The following OSBPL2 variants were observed in gnomAD, a reference collection of about 807,000 sequenced individuals.
OSBPL2 encodes the protein oxysterol-binding protein-related protein 2.
In OSBPL2, 18 loss-of-function variants were observed where a neutral mutation model predicts 58.4. That is an observed-to-expected ratio of 0.31 (90% CI 0.21 to 0.46). The LOEUF (loss-of-function observed/expected upper bound fraction) is 0.46. OSBPL2 is among the 20% of genes least tolerant of loss of function. The pLI is 1.00. For missense variants in OSBPL2, 461 were observed against 616.5 expected (o/e 0.75, Z 2.67); for synonymous variants, 221 against 234.1 (o/e 0.94, Z 0.51).
intron 12 of OSBPL2, among the ~76,000 whole-genome samples, chr20:62,289,969 TATTAA>T (rs1385035195): frequency 6.6e-6 from 1 of 152,184 alleles, no homozygotes; most frequent in African/African-American, 2.4e-5. Context: ...AATTTGTTAT[TATTAA>T]ATTAAACAAA....
intron 9 of OSBPL2, among the ~76,000 whole-genome samples, chr20:62,282,384 A>C (rs1982850898): frequency 6.6e-6 from 1 of 152,176 alleles, no homozygotes; most frequent in South Asian, 2.1e-4. Flanking sequence ...TGTTCCAACA[A>C]ATTTTTCAGT....
chr20:62,265,041 C>T (rs1048640653), intron 4 of OSBPL2, among the ~76,000 whole-genome samples: 2 of 152,204 alleles, frequency 1.3e-5, no homozygotes, highest in Non-Finnish European at 2.9e-5. Flanking sequence ...GTCTCCACTG[C>T]AAAGTTGCTG....
chr20:62,248,672 C>CTTTATTTATTTA (rs3078864), intron 1 of OSBPL2, among the ~76,000 whole-genome samples: 5,723 of 147,812 alleles, frequency 0.039, 120 homozygotes, highest in Non-Finnish European at 0.047. Context: ...GTCAGATCTG[C>CTTTATTTATTTA]TTTATTTATT....
chr20:62,246,255 C>T (rs1016193042), intron 1 of OSBPL2, among the ~76,000 whole-genome samples: 10 of 152,318 alleles, frequency 6.6e-5, no homozygotes, highest in South Asian at 4.2e-4. Context: ...GCGCCACTGC[C>T]GTGGGTGGCT....
chr20:62,269,460 T>C lies in OSBPL2; in HGVS notation c.259-2665T>C, dbSNP rs1981910336. 6.6e-6 allele frequency among the ~76,000 whole-genome samples: 1 copy of C among 152,220 alleles called. No homozygotes were observed. Among genetic ancestry groups the C allele is most frequent in the Non-Finnish European group, 1.5e-5 (1 of 68,044 alleles). On this transcript the variant is annotated intron_variant, in intron 4 of 13. Transcript: ENST00000313733. This position sits in a 1 kb window ranked among gnomAD's most constrained non-coding sequence, Gnocchi z 4.2. The stretch of plus-strand genomic sequence containing the variant: ...GTCCCCTCGTGGGGCTGCATCACTG[T>C]GCATTTCCACAGCAGCCGGGGGGCT...
At chr20:62,273,983 CT>C (rs2145954382) in intron 6 of OSBPL2, among the ~76,000 whole-genome samples, 1 of 152,324 alleles carries the variant, frequency 6.6e-6, no homozygotes, top group South Asian at 2.1e-4. Flanking sequence ...TCCTATGGAA[CT>C]TTCTTCTAGG....
intron 4 of OSBPL2, among the ~76,000 whole-genome samples, chr20:62,271,168 G>A (rs1189736882): frequency 6.6e-6 from 1 of 152,076 alleles, no homozygotes; most frequent in Non-Finnish European, 1.5e-5. Context: ...CTGCCCTTGG[G>A]ATCCCTTTCC....
chr20:62,259,891 C>T, intron 2 of OSBPL2, 90 bp from the exon 3 acceptor site: 1 of 1,181,844 alleles, frequency 8.5e-7, no homozygotes, highest in Admixed American at 2.0e-5. Flanking sequence ...GCTCTGTAGT[C>T]ACCTGCTTGC....
chr20:62,249,687 G>T (rs1980394332), intron 1 of OSBPL2, among the ~76,000 whole-genome samples: 1 of 152,204 alleles, frequency 6.6e-6, no homozygotes, highest in South Asian at 2.1e-4. Flanking sequence ...CAATTCTCCT[G>T]CCTCAGCCTC....
At chr20:62,279,578 A>G (rs904584875) in intron 7 of OSBPL2, 8 of 542,262 alleles carry the variant, frequency 1.5e-5, no homozygotes, top group African/African-American at 1.4e-4. Flanking sequence ...CATTCATTGT[A>G]TGACCAGGGT....
At chr20:62,239,415 A>G (rs1317209345) in intron 1 of OSBPL2, among the ~76,000 whole-genome samples, 5 of 152,070 alleles carry the variant, frequency 3.3e-5, no homozygotes, top group African/African-American at 1.2e-4. Context: ...TCCCCGCTTC[A>G]TGGGAGGACC....
chr20:62,241,453 T>C (rs1979728138), intron 1 of OSBPL2, among the ~76,000 whole-genome samples: 2 of 152,262 alleles, frequency 1.3e-5, no homozygotes, highest in Non-Finnish European at 2.9e-5. Context: ...TATAAGGGAA[T>C]TGTTGACACA....
intron 6 of OSBPL2, among the ~76,000 whole-genome samples, chr20:62,273,701 C>T (rs992328439): frequency 6.6e-6 from 1 of 152,154 alleles, no homozygotes; most frequent in Non-Finnish European, 1.5e-5. Flanking sequence ...GTGTGTGCGA[C>T]GTCTGTGAAA....
At chr20:62,240,692 C>T (rs560993701) in intron 1 of OSBPL2, among the ~76,000 whole-genome samples, 59 of 152,338 alleles carry the variant, frequency 3.9e-4, no homozygotes, top group African/African-American at 1.3e-3. Flanking sequence ...AATCATGCTG[C>T]ATTACTCTGT....
rs1983838078 is a variant in OSBPL2 at position 62,296,028 on chromosome 20, A to G, written c.*2141A>G. On this transcript the variant is annotated 3_prime_UTR_variant, in exon 14 of 14. Transcript: ENST00000313733. Reference sequence around the variant, plus strand: ...TGGAGGAAGAACGGTAGGAAGGCTGATGGCAAAAGCGGCTGTGTGTCGAGG... The same window carrying G: ...TGGAGGAAGAACGGTAGGAAGGCTGGTGGCAAAAGCGGCTGTGTGTCGAGG... 6.6e-6 allele frequency: 1 copy of G among 152,264 alleles called. No individual in the cohort carries two copies. The highest frequency in any genetic ancestry group is 2.1e-4 in the South Asian group (1 of 4,838). The allele number at this position is 152,264 out of a possible 1,614,324, so 9.4% of individuals were successfully genotyped here.
Position 62,283,868 on chromosome 20 carries a change from G to T in OSBPL2, c.873-178G>T, listed in dbSNP as rs77846159. ...CCCTTCATTTTCCTTTCCGTGGTGTGTATCGGGGCTACGAATGGTCCCAGA... is the reference window on the plus strand; with the variant it reads ...CCCTTCATTTTCCTTTCCGTGGTGTTTATCGGGGCTACGAATGGTCCCAGA... On this transcript the variant is annotated intron_variant, in intron 9 of 13. Transcript: ENST00000313733. Among the ~76,000 whole-genome samples, 142 of 152,156 alleles carry T rather than the reference G, an allele frequency of 9.3e-4. No homozygotes were observed. The East Asian group carries it at 0.024, about 26-fold the overall frequency.
chr20:62,256,145 A>G lies in OSBPL2; in HGVS notation c.-40A>G. ...GGATCAGATACGATGATTCAGTAGA[A>G]GAGCACATGTCAGGGGCAGTGGAGG... On this transcript the variant is annotated 5_prime_UTR_variant, in exon 2 of 14. Transcript: ENST00000313733. 8.1e-6 allele frequency: 13 copies of G among 1,609,476 alleles called. No individual in the cohort carries two copies. Among genetic ancestry groups the G allele is most frequent in the Non-Finnish European group, 1.0e-5 (12 of 1,176,294 alleles).
chr20:62,284,464 G>A, intron 10 of OSBPL2: 1 of 368,742 alleles, frequency 2.7e-6, no homozygotes, highest in South Asian at 3.0e-5. Flanking sequence ...GCAACCTCCA[G>A]CTACCAGGCT....
Position 62,272,361 on chromosome 20 carries a change from A to G in OSBPL2, c.393+102A>G, listed in dbSNP as rs1006558904. On this transcript the variant is annotated intron_variant, in intron 5 of 13. Coordinates refer to ENST00000313733, the MANE Select transcript of OSBPL2 (RefSeq NM_144498.4). ...GCCCCAGGCATCTGTGAGGACTCGC[A>G]CAGCTCCCCCCAGTGTTCAGTGCCA... 10 of 1,300,172 alleles carry G rather than the reference A, an allele frequency of 7.7e-6. No individual in the cohort carries two copies. In the African/African-American group the frequency reaches 1.2e-4, roughly 15 times the overall value. 80.5% of individuals were successfully genotyped at this position (1,300,172 alleles called of 1,614,324 possible). A position where few individuals can be genotyped will look rare whatever the true frequency, so the allele number is the denominator to read the frequency against.
Sources: gnomAD v4.1 joint callset for allele counts (sites outside exome capture counted in the v4.1 genomes callset) on GRCh38, gnomAD v4.1.1 for gene constraint, Gnocchi (gnomAD v3.1) non-coding constraint, MANE v1.5 for transcripts, NCBI Gene and HGNC (gene_info 2026-07-23, HGNC 2026-07-21) for gene names.